Variants in HMCN1 observed in about 807,000 individuals in gnomAD.
HMCN1 encodes the protein hemicentin-1.
Under a neutral mutation model 625.9 loss-of-function variants are expected in HMCN1, and 321 were observed. The observed-to-expected ratio is 0.51, with a 90% CI of 0.47 to 0.56. The LOEUF (loss-of-function observed/expected upper bound fraction) is 0.56. HMCN1 is among the 20% of genes least tolerant of loss of function. The pLI is 0.00. For synonymous variants in HMCN1, 2,425 were observed against 2,417.6 expected, an observed-to-expected ratio of 1.00 and a Z score of -0.09; for missense variants, 6,588 against 6,887.3, an observed-to-expected ratio of 0.96 and a Z score of 1.54.
At chr1:186,056,114 A>G (rs988663660) in intron 45 of HMCN1, among the ~76,000 whole-genome samples, 3 of 152,058 alleles carry the variant, frequency 2.0e-5, no homozygotes, top group Non-Finnish European at 4.4e-5. Context: ...ATAAATGTCA[A>G]TAAGAATAGA....
At chr1:186,011,816 G>T (rs1654020227) in intron 30 of HMCN1, among the ~76,000 whole-genome samples, 1 of 152,120 alleles carries the variant, frequency 6.6e-6, no homozygotes, top group East Asian at 1.9e-4. Flanking sequence ...TTTTGGTCTG[G>T]TAATTTGGGG....
intron 9 of HMCN1, among the ~76,000 whole-genome samples, chr1:185,927,125 C>T (rs1323927642): frequency 3.3e-5 from 5 of 152,150 alleles, no homozygotes; most frequent in African/African-American, 7.2e-5. Flanking sequence ...CCCAAAGAAT[C>T]GTCAGTTTCT....
intron 87 of HMCN1, among the ~76,000 whole-genome samples, chr1:186,137,209 G>T (rs1313565448): frequency 6.6e-6 from 1 of 152,154 alleles, no homozygotes; most frequent in African/African-American, 2.4e-5. Flanking sequence ...ATGTTTTGCT[G>T]CAAAGAATGA....
chr1:186,182,064 AG>A lies in HMCN1; in HGVS notation c.16295-103del, dbSNP rs571819828. 105 of 1,285,972 alleles carry A rather than the reference AG, an allele frequency of 8.2e-5. No individual in the cohort carries two copies. In the South Asian group the frequency reaches 1.3e-3, roughly 15 times the overall value. 79.7% of individuals were successfully genotyped at this position (1,285,972 alleles called of 1,614,324 possible). ...TTAACACATGAGTATAAAATCACCA[AG>A]AAGTTTTTCTAATGTATATCAACAA... is the stretch of plus-strand genomic sequence containing the variant. On this transcript the variant is annotated intron_variant, in intron 104 of 106. Coordinates refer to ENST00000271588, the MANE Select transcript of HMCN1 (RefSeq NM_031935.3).
rs1336589146 is a variant in HMCN1, at chr1:186,144,171, A to G, written c.13925-2A>G. 2 of 1,588,594 alleles carry G rather than the reference A, an allele frequency of 1.3e-6. No individual in the cohort carries two copies. The highest frequency in any genetic ancestry group is 1.2e-5 in the South Asian group (1 of 86,772). ...TGCAACTGTCTTTTGGGGTGTTTGC[A>G]GTTCATGGAGCATGGAGCGCTTGGC... On this transcript the variant is annotated splice_acceptor_variant, in intron 89 of 106. Transcript: ENST00000271588. LOFTEE classifies it high-confidence loss of function.
At position 185,821,315 on chromosome 1, in the gene HMCN1, T is replaced by G. The variant is rs6683601; in HGVS notation, c.269-24711T>G. 9.3e-3 allele frequency among the ~76,000 whole-genome samples: 1,413 copies of G among 152,194 alleles called. 25 individuals carry two copies. Among genetic ancestry groups the G allele is most frequent in the African/African-American group, 0.033 (1,352 of 41,530 alleles). On this transcript the variant is annotated intron_variant, in intron 1 of 106. Transcript: ENST00000271588. ...GTTAGCTCTAAATTTTGATTTATCTTGTTTAAAGAGAATAATTATATGTCA... is the reference window on the plus strand; with the variant it reads ...GTTAGCTCTAAATTTTGATTTATCTGGTTTAAAGAGAATAATTATATGTCA...
intron 47 of HMCN1, among the ~76,000 whole-genome samples, chr1:186,062,250 CAAAT>C (rs1375960545): frequency 6.6e-6 from 1 of 151,996 alleles, no homozygotes; most frequent in African/African-American, 2.4e-5. Context: ...AAATAAAAGT[CAAAT>C]AAATGTTCTT....
intron 4 of HMCN1, among the ~76,000 whole-genome samples, chr1:185,895,781 A>G (rs1345179047): frequency 6.6e-6 from 1 of 152,162 alleles, no homozygotes; most frequent in Non-Finnish European, 1.5e-5. Context: ...GAGCATGTGT[A>G]AGACCTTTCT....
rs959158012 is a variant in HMCN1 at position 186,107,920 on chromosome 1, C to T, written c.10853-541C>T. On this transcript the variant is annotated intron_variant, in intron 70 of 106. Coordinates refer to ENST00000271588, the MANE Select transcript of HMCN1 (RefSeq NM_031935.3). ...TTTATGGGGAGGAATAATTAAAAAA[C>T]TAACAGAAGATCTTTGGTTCATTCT... Among the ~76,000 whole-genome samples, 59 of 151,208 alleles carry T rather than the reference C, an allele frequency of 3.9e-4. No homozygotes were observed. The Middle Eastern group carries it at 0.017, about 44-fold the overall frequency.
At chr1:186,076,861 T>C (rs1400079307) in intron 54 of HMCN1, among the ~76,000 whole-genome samples, 1 of 152,152 alleles carries the variant, frequency 6.6e-6, no homozygotes, top group Non-Finnish European at 1.5e-5. Flanking sequence ...CTCTATCAAC[T>C]CAAAGTCCTT....
At position 185,849,077 on chromosome 1, in the gene HMCN1, TC is replaced by T. The variant is rs374936985; in HGVS notation, c.339+2983del. Among the ~76,000 whole-genome samples, 109 of 152,194 alleles carry T rather than the reference TC, an allele frequency of 7.2e-4. 1 individual carries two copies. The East Asian group carries it at 0.02, about 28-fold the overall frequency. Reference sequence around the variant, plus strand: ...CTTTACCCACACCTCATCAAATTCTTCCTATGGTTCTGGGTTCTGAGTGATC... The same window carrying T: ...CTTTACCCACACCTCATCAAATTCTTCTATGGTTCTGGGTTCTGAGTGATC... On this transcript the variant is annotated intron_variant, in intron 2 of 106. Transcript: ENST00000271588.
At chr1:186,018,052 TCA>T in intron 33 of HMCN1, 129 bp from the exon 34 acceptor site, 1 of 856,350 alleles carries the variant, frequency 1.2e-6, no homozygotes, top group African/African-American at 1.7e-5. Context: ...CTTCTCTTTT[TCA>T]TTTACAATTT....
chr1:186,029,911 G>A (rs537050118), intron 36 of HMCN1, among the ~76,000 whole-genome samples: 3 of 151,672 alleles, frequency 2.0e-5, no homozygotes, highest in Non-Finnish European at 2.9e-5. Flanking sequence ...CACAAGTTTT[G>A]GCATGTTTTT....
At chr1:186,008,308 G>A (rs928093263) in intron 30 of HMCN1, among the ~76,000 whole-genome samples, 1 of 152,030 alleles carries the variant, frequency 6.6e-6, no homozygotes, top group African/African-American at 2.4e-5. Context: ...TTGAAATGTA[G>A]CTAGTCCAAA....
At chr1:186,143,227 T>C (rs377505911) in intron 89 of HMCN1, among the ~76,000 whole-genome samples, 3 of 152,228 alleles carry the variant, frequency 2.0e-5, no homozygotes, top group African/African-American at 7.2e-5. Context: ...AGCAGACAAA[T>C]GATAATTTCA....
At chr1:185,949,968 C>A (rs1303618240) in intron 11 of HMCN1, among the ~76,000 whole-genome samples, 1 of 151,584 alleles carries the variant, frequency 6.6e-6, no homozygotes, top group Non-Finnish European at 1.5e-5. Context: ...TTCTAAGAGG[C>A]GGGCTAGTGG....
chr1:185,889,217 G>C (rs375954669), intron 4 of HMCN1, among the ~76,000 whole-genome samples: 83 of 144,554 alleles, frequency 5.7e-4, no homozygotes, highest in Non-Finnish European at 1.1e-3. Context: ...GGGCTGAGAC[G>C]ATGGGGTTTT....
intron 6 of HMCN1, among the ~76,000 whole-genome samples, chr1:185,918,021 T>C (rs1444521276): frequency 6.6e-6 from 1 of 152,172 alleles, no homozygotes; most frequent in African/African-American, 2.4e-5. Context: ...CAATATATTA[T>C]CTCTGTATTA....
At chr1:185,989,772 ATTTTTTTT>A in intron 21 of HMCN1, 125 bp downstream of exon 21, 5 of 535,476 alleles carry the variant, frequency 9.3e-6, no homozygotes, top group Non-Finnish European at 9.2e-6. Context: ...CCAGATTTCT[ATTTTTTTT>A]TTTTTTTTTT....
Sources: allele counts gnomAD v4.1 joint callset (sites outside exome capture counted in the v4.1 genomes callset), GRCh38; gene constraint gnomAD v4.1.1; transcripts MANE v1.5; gene names NCBI Gene and HGNC (gene_info 2026-07-23, HGNC 2026-07-21).